DPYSL5: variants seen among roughly 807,000 people sequenced by gnomAD.
DPYSL5 encodes the protein dihydropyrimidinase-related protein 5.
In DPYSL5, 9 loss-of-function variants were observed where a neutral mutation model predicts 58.4. That is an observed-to-expected ratio of 0.15 (90% confidence interval 0.09 to 0.27). The LOEUF (loss-of-function observed/expected upper bound fraction) is 0.27, where lower values mean the gene tolerates loss of function less well. Among genes scored for constraint, DPYSL5 ranks in the 10% least tolerant of loss-of-function variants. The probability of loss-of-function intolerance (pLI) is 1.00; values close to 1 mark genes in which losing one functional copy is unlikely to be tolerated. For missense variants in DPYSL5, 499 were observed against 770.6 expected (o/e 0.65, Z 4.17); for synonymous variants, 293 against 301.9 (o/e 0.97, Z 0.31).
rs1172939708 is a variant in DPYSL5, at chr2:26,848,204, G to A, written c.-55G>A. Reference sequence around the variant, plus strand: ...ACCCGCAGCTCCGGCGCCGCGGCGAGACGGAGACGGACCGAGCCACGGGCC... The same window carrying A: ...ACCCGCAGCTCCGGCGCCGCGGCGAAACGGAGACGGACCGAGCCACGGGCC... On this transcript the variant is annotated 5_prime_UTR_variant, in exon 1 of 13. Coordinates refer to ENST00000288699, the MANE Select transcript of DPYSL5 (RefSeq NM_020134.4). 1 of 151,766 alleles carries A rather than the reference G, an allele frequency of 6.6e-6. No individual in the cohort carries two copies. Among genetic ancestry groups the A allele is most frequent in the Non-Finnish European group, 1.5e-5 (1 of 67,932 alleles). The allele number at this position is 151,766 out of a possible 1,614,324, so 9.4% of individuals were successfully genotyped here.
In DPYSL5 at chr2:26,946,960, G is replaced by A. The variant is rs1665502759; in HGVS notation, c.1660G>A (p.Ala554Thr). The change falls in exon 13 of 13, where the codon GCT becomes ACT. Residue 554 changes from alanine to threonine, a missense_variant. This residue lies in a region of DPYSL5 where 33 missense variants were observed against 63.8 expected (regional missense o/e 0.52). Coordinates refer to ENST00000288699, the MANE Select transcript of DPYSL5 (RefSeq NM_020134.4). ...AAAGCGAGCTTCAGCTCGGATCCTC[G>A]CTCCTCCCGGAGGCAGGTCGAGTGG... ...VPKRASARIL[A>T]PPGGRSSGIW 6.2e-7 allele frequency: 1 copy of A among 1,614,028 alleles called. No homozygotes were observed. The highest frequency in any genetic ancestry group is 8.5e-7 in the Non-Finnish European group (1 of 1,179,912).
chr2:26,884,833 T>C (rs1433603892), intron 1 of DPYSL5, among the ~76,000 whole-genome samples: 1 of 152,206 alleles, frequency 6.6e-6, no homozygotes, highest in Non-Finnish European at 1.5e-5. Context: ...TCCCAGAAGC[T>C]ATTTGTTTCA....
At chr2:26,932,799 G>T (rs1665064938) in intron 6 of DPYSL5, among the ~76,000 whole-genome samples, 1 of 152,150 alleles carries the variant, frequency 6.6e-6, no homozygotes. Context: ...CTTGTATTTT[G>T]TTCATCTCCA....
At chr2:26,945,989 A>C (rs967553288) in intron 12 of DPYSL5, among the ~76,000 whole-genome samples, 5 of 152,158 alleles carry the variant, frequency 3.3e-5, no homozygotes, top group Non-Finnish European at 7.4e-5. Flanking sequence ...GTCCTCTCTC[A>C]GGACCAGTCT....
chr2:26,946,293 G>A (rs116661538), intron 12 of DPYSL5, among the ~76,000 whole-genome samples: 1 of 152,244 alleles, frequency 6.6e-6, no homozygotes, highest in Non-Finnish European at 1.5e-5. Context: ...CAGGCAGCCT[G>A]TCCCCTCCTC....
intron 2 of DPYSL5, among the ~76,000 whole-genome samples, chr2:26,920,950 T>C (rs1470159906): frequency 6.6e-6 from 1 of 152,220 alleles, no homozygotes; most frequent in African/African-American, 2.4e-5. Context: ...ATATAAAGTT[T>C]CACATTTAAT....
intron 1 of DPYSL5, among the ~76,000 whole-genome samples, chr2:26,857,736 T>A (rs532164847): frequency 1.3e-5 from 2 of 152,328 alleles, no homozygotes; most frequent in South Asian, 4.1e-4. Context: ...ATGACATGTA[T>A]CTTATTTTCT....
chr2:26,890,836 T>A (rs1663861450), intron 1 of DPYSL5, among the ~76,000 whole-genome samples: 1 of 152,168 alleles, frequency 6.6e-6, no homozygotes, highest in African/African-American at 2.4e-5. Flanking sequence ...CACTGTGTCC[T>A]CACACGGCCT....
intron 2 of DPYSL5, among the ~76,000 whole-genome samples, chr2:26,911,079 GTT>G (rs57441106): frequency 2.0e-5 from 2 of 100,408 alleles, no homozygotes; most frequent in African/African-American, 7.7e-5. Context: ...TCTATGTTCA[GTT>G]TTTTTTTTTT....
At chr2:26,921,682 T>A (rs1423361457) in intron 2 of DPYSL5, among the ~76,000 whole-genome samples, 1 of 152,192 alleles carries the variant, frequency 6.6e-6, no homozygotes, top group African/African-American at 2.4e-5. Flanking sequence ...CAGTGTGTGG[T>A]GTGGGCTTGC....
chr2:26,867,443 GTTTTT>G (rs982589815), intron 1 of DPYSL5, among the ~76,000 whole-genome samples: 2 of 136,418 alleles, frequency 1.5e-5, no homozygotes, highest in African/African-American at 5.4e-5. Flanking sequence ...CCAATTGTTT[GTTTTT>G]TTTTTTGTTT....
At chr2:26,872,794 G>A (rs940410915) in intron 1 of DPYSL5, among the ~76,000 whole-genome samples, 6 of 151,758 alleles carry the variant, frequency 4.0e-5, no homozygotes, top group Non-Finnish European at 7.4e-5. Flanking sequence ...GGGCAACAGC[G>A]AGACTCTGTC....
intron 2 of DPYSL5, among the ~76,000 whole-genome samples, chr2:26,901,237 T>C (rs1038732601): frequency 5.9e-5 from 9 of 152,148 alleles, no homozygotes; most frequent in Non-Finnish European, 1.3e-4. Flanking sequence ...TGGTATCACT[T>C]AAACTGACAC....
At chr2:26,896,858 G>A (rs1053951027) in intron 1 of DPYSL5, among the ~76,000 whole-genome samples, 9 of 151,966 alleles carry the variant, frequency 5.9e-5, no homozygotes, top group South Asian at 2.1e-4. Flanking sequence ...TGTTTCCTTC[G>A]CTATGTAGAA....
intron 1 of DPYSL5, among the ~76,000 whole-genome samples, chr2:26,891,303 T>A (rs551852868): frequency 6.6e-6 from 1 of 152,098 alleles, no homozygotes; most frequent in Non-Finnish European, 1.5e-5. Flanking sequence ...TCCTTTAAGT[T>A]CTGAGAATGA....
chr2:26,933,189 A>G lies in DPYSL5; in HGVS notation c.715-69A>G, dbSNP rs1665079850. ...CGCTGGTGCCAGGGCTGACTTTGCC[A>G]GGGTTATTCTGATGCTTGTGAAGTT... On this transcript the variant is annotated intron_variant, in intron 6 of 12. Transcript: ENST00000288699. The surrounding 1 kb of genome is among the most constrained non-coding windows in gnomAD (Gnocchi z 4.2). 4 of 1,469,388 alleles carry G rather than the reference A, an allele frequency of 2.7e-6. No individual in the cohort carries two copies. Among genetic ancestry groups the G allele is most frequent in the African/African-American group, 1.4e-5 (1 of 72,024 alleles). 91.0% of individuals were successfully genotyped at this position (1,469,388 alleles called of 1,614,324 possible).
At chr2:26,903,693 T>G (rs1345774965) in intron 2 of DPYSL5, among the ~76,000 whole-genome samples, 3 of 57,894 alleles carry the variant, frequency 5.2e-5, no homozygotes, top group African/African-American at 1.8e-4. Flanking sequence ...TGTTTTGACC[T>G]TGCTGGTCTT....
intron 3 of DPYSL5, among the ~76,000 whole-genome samples, chr2:26,926,213 C>T (rs1010394709): frequency 1.3e-5 from 2 of 152,220 alleles, no homozygotes; most frequent in Non-Finnish European, 2.9e-5. Context: ...TTATTTCTGA[C>T]CTGGCACTTA....
At chr2:26,882,754 AT>A (rs1024523528) in intron 1 of DPYSL5, among the ~76,000 whole-genome samples, 8 of 152,004 alleles carry the variant, frequency 5.3e-5, no homozygotes, top group Non-Finnish European at 1.0e-4. Context: ...TACAAAAATT[AT>A]TTTGTAAATT....
Sources: gnomAD v4.1 joint callset for allele counts (sites outside exome capture counted in the v4.1 genomes callset) on GRCh38, gnomAD v4.1.1 for gene constraint, gnomAD v4.1.1 regional missense constraint, Gnocchi (gnomAD v3.1) non-coding constraint, MANE v1.5 for transcripts, NCBI Gene and HGNC (gene_info 2026-07-23, HGNC 2026-07-21) for gene names.